The following KCNJ14 variants were observed in gnomAD, a reference collection of about 807,000 sequenced individuals.
The protein encoded by KCNJ14 is potassium inwardly rectifying channel subfamily J member 14.
KCNJ14 carries 18 observed loss-of-function variants against 24.5 expected under a neutral mutation model. The ratio of observed to expected loss-of-function variants is 0.74; its 90% CI spans 0.51 to 1.09. KCNJ14 has a LOEUF of 1.09. KCNJ14 is among the 50% of genes least tolerant of loss of function. The pLI is 0.00. For missense variants in KCNJ14, 633 were observed against 623.0 expected (o/e 1.02, Z -0.17); for synonymous variants, 288 against 270.8 (o/e 1.06, Z -0.63).
At chr19:48,458,922 T>C (rs1441480924) in intron 1 of KCNJ14, among the ~76,000 whole-genome samples, 857 of 61,274 alleles carry the variant, frequency 0.014, no homozygotes, top group Middle Eastern at 0.13. Context: ...GGCCACTGAG[T>C]GAGACTCCGT....
intron 1 of KCNJ14, among the ~76,000 whole-genome samples, chr19:48,458,823 A>T (rs1218156570): frequency 6.6e-6 from 1 of 151,294 alleles, no homozygotes; most frequent in Non-Finnish European, 1.5e-5. Context: ...GTAATTCCAG[A>T]TACTCAGGAG....
intron 1 of KCNJ14, among the ~76,000 whole-genome samples, chr19:48,457,827 G>A (rs939927877): frequency 6.6e-6 from 1 of 151,930 alleles, no homozygotes; most frequent in Admixed American, 6.6e-5. Context: ...ACAGGTGCGC[G>A]CCTGTAATCA....
At position 48,465,549 on chromosome 19, in the gene KCNJ14, C is replaced by T. The variant is rs1971646755; in HGVS notation, c.*772C>T. The T allele has an allele frequency of 6.6e-6, 1 of 152,460 alleles. No homozygotes were observed. Among genetic ancestry groups the T allele is most frequent in the Non-Finnish European group, 1.5e-5 (1 of 68,042 alleles). The allele number at this position is 152,460 out of a possible 1,614,324, so 9.4% of individuals were successfully genotyped here. A position where few individuals can be genotyped will look rare whatever the true frequency, so the allele number is the denominator to read the frequency against. On this transcript the variant is annotated 3_prime_UTR_variant, in exon 3 of 3. Coordinates refer to ENST00000342291, the MANE Select transcript of KCNJ14 (RefSeq NM_013348.4). ...ATTAAGAGTTCTTGATATTAGATAA[C>T]TCCAACTTCTGGCTGTAGAGCACCC...
intron 1 of KCNJ14, chr19:48,456,185 T>A (rs1971537747): frequency 6.6e-6 from 1 of 152,048 alleles, no homozygotes; most frequent in African/African-American, 2.4e-5. Flanking sequence ...GGAGCACAGG[T>A]CAGTGTCAGT....
At chr19:48,457,107 C>T (rs1286431436) in intron 1 of KCNJ14, 1 of 152,180 alleles carries the variant, frequency 6.6e-6, no homozygotes, top group Non-Finnish European at 1.5e-5. Flanking sequence ...AGTGATCCCC[C>T]ACCTCAGTCT....
intron 2 of KCNJ14, among the ~76,000 whole-genome samples, chr19:48,463,129 C>T (rs998238268): frequency 2.6e-5 from 4 of 152,146 alleles, no homozygotes; most frequent in African/African-American, 9.7e-5. Flanking sequence ...GGCTCCCTCC[C>T]TGCCCTGAGG....
At position 48,462,079 on chromosome 19, in the gene KCNJ14, G is replaced by GCCGCCCCGCCA; in HGVS notation, c.362_372dup (p.Ala125ArgfsTer121). ...CATTGCCTCGCTGCACGGCGACCTG[G>GCCGCCCCGCCA]CCGCCCCGCCACCGCCCGCGCCCTG... On this transcript the variant is annotated frameshift_variant, in exon 2 of 3. Transcript: ENST00000342291. LOFTEE classifies it high-confidence loss of function. This position sits in a 1 kb window ranked among gnomAD's most constrained non-coding sequence, Gnocchi z 4.9. The GCCGCCCCGCCA allele has an allele frequency of 6.2e-7, 1 of 1,605,754 alleles. No homozygotes were observed. Among genetic ancestry groups the GCCGCCCCGCCA allele is most frequent in the Non-Finnish European group, 8.5e-7 (1 of 1,178,108 alleles).
At position 48,464,572 on chromosome 19, in the gene KCNJ14, G is replaced by T. The variant is rs777018794; in HGVS notation, c.1106G>T (p.Arg369Leu). The T allele has an allele frequency of 1.9e-6, 3 of 1,614,084 alleles. No individual in the cohort carries two copies. The highest frequency in any genetic ancestry group is 1.6e-4 in the Middle Eastern group (1 of 6,062). ...TGCAGTGCTAAGGAGCTGGATGAAC[G>T]GGCAGAGCAGGCTTCCCACAGCCTC... is the stretch of plus-strand genomic sequence containing the variant. ...PVCSAKELDE[R>L]AEQASHSLKS... The change falls in exon 3 of 3, where the codon CGG becomes CTG. Residue 369 changes from arginine to leucine, a missense_variant. Coordinates refer to ENST00000342291, the MANE Select transcript of KCNJ14 (RefSeq NM_013348.4).
At chr19:48,459,891 T>G (rs1971576018) in intron 1 of KCNJ14, among the ~76,000 whole-genome samples, 1 of 151,860 alleles carries the variant, frequency 6.6e-6, no homozygotes, top group African/African-American at 2.4e-5. Flanking sequence ...TAGCCAGGCG[T>G]GGTGGCATGT....
intron 1 of KCNJ14, among the ~76,000 whole-genome samples, chr19:48,460,670 A>C (rs887489734): frequency 2.0e-5 from 3 of 152,240 alleles, no homozygotes; most frequent in African/African-American, 7.2e-5. Flanking sequence ...TACTTACAAC[A>C]ACCTCCAAAT....
rs1161637459 is a variant in KCNJ14 at position 48,464,397 on chromosome 19, G to T, written c.931G>T (p.Ala311Ser). 1.2e-6 allele frequency: 2 copies of T among 1,613,372 alleles called. No individual in the cohort carries two copies. The highest frequency in any genetic ancestry group is 1.3e-5 in the African/African-American group (1 of 74,908). The change falls in exon 3 of 3, where the codon GCC becomes TCC. Residue 311 changes from alanine (A) to serine (S), a missense_variant. By Grantham distance (99) the Ala-to-Ser change is moderately conservative (BLOSUM62 1). Coordinates refer to ENST00000342291, the MANE Select transcript of KCNJ14 (RefSeq NM_013348.4). ...VILEGMVEAT[A>S]MTTQCRSSYL... ...TCTCGAGGGGATGGTTGAGGCCACA[G>T]CCATGACCACACAGTGTCGCTCGTC...
rs1422835080 is a variant in KCNJ14, at chr19:48,464,262, A to G, written c.796A>G (p.Ile266Val). The change falls in exon 3 of 3, where the codon ATC (isoleucine) becomes GTC (valine). Residue 266 changes from isoleucine to valine, a missense_variant. Transcript: ENST00000342291. The part of the protein sequence containing the change: ...DVGFDGGTDR[I>V]FLVSPITIVH... ...GGGCTTTGATGGAGGCACCGATCGT[A>G]TCTTCCTCGTGTCCCCCATCACCAT... is the stretch of plus-strand genomic sequence containing the variant. The G allele has an allele frequency of 1.2e-6, 2 of 1,613,722 alleles. No homozygotes were observed. The highest frequency in any genetic ancestry group is 1.7e-6 in the Non-Finnish European group (2 of 1,179,948).
In KCNJ14 at chr19:48,465,082, C is replaced by A; in HGVS notation, c.*305C>A. On this transcript the variant is annotated 3_prime_UTR_variant, in exon 3 of 3. Coordinates refer to ENST00000342291, the MANE Select transcript of KCNJ14 (RefSeq NM_013348.4). ...TTCTAGATTCCTCTATATGGGGAGA[C>A]CTGGATTGTTGACCAGGGTGAGAAG... The A allele has an allele frequency of 2.8e-6, 1 of 356,610 alleles. No individual in the cohort carries two copies. The highest frequency in any genetic ancestry group is 4.9e-5 in the South Asian group (1 of 20,208). The allele number at this position is 356,610 out of a possible 1,614,324, so 22.1% of individuals were successfully genotyped here.
chr19:48,460,793 T>C (rs1971586346), intron 1 of KCNJ14, among the ~76,000 whole-genome samples: 1 of 152,200 alleles, frequency 6.6e-6, no homozygotes, highest in African/African-American at 2.4e-5. Flanking sequence ...TCGTTATTGT[T>C]ATAGTATTTT....
chr19:48,461,861 G>T lies in KCNJ14; in HGVS notation c.137G>T (p.Gly46Val). The T allele has an allele frequency of 1.3e-6, 2 of 1,565,128 alleles. No individual in the cohort carries two copies. Among genetic ancestry groups the T allele is most frequent in the Non-Finnish European group, 1.7e-6 (2 of 1,155,140 alleles). The stretch of plus-strand genomic sequence containing the variant: ...CCGGCACCGGTGCAGTCACCCGTGG[G>T]CCGGCGCCGCGGTCGCTTCGTCAAG... ...WAPAPVQSPV[G>V]RRRGRFVKKD... Residue 46 changes from glycine (G) to valine (V), a missense_variant, in exon 2 of 3, where the codon GGC becomes GTC. Gly to Val is a moderately radical substitution (Grantham distance 109, BLOSUM62 -3). Transcript: ENST00000342291.
In KCNJ14 at chr19:48,462,354, C is replaced by T; in HGVS notation, c.630C>T (p.Asp210=). The stretch of plus-strand genomic sequence containing the variant: ...AGAACGCCGTCGTGGCGCTGCGCGA[C>T]CACCGCCTCTGCCTCATGTGGCGCG... ...FSENAVVALR[D]HRLCLMWRVG... The change falls in exon 2 of 3, where the codon GAC becomes GAT. Residue 210 remains aspartate, a synonymous_variant. Transcript: ENST00000342291. This position sits in a 1 kb window ranked among gnomAD's most constrained non-coding sequence, Gnocchi z 4.9. The T allele has an allele frequency of 6.5e-7, 1 of 1,542,806 alleles. No individual in the cohort carries two copies. The highest frequency in any genetic ancestry group is 2.4e-5 in the East Asian group (1 of 40,982).
Position 48,465,818 on chromosome 19 carries a change from G to T in KCNJ14, c.*1041G>T, listed in dbSNP as rs73050909. On this transcript the variant is annotated 3_prime_UTR_variant, in exon 3 of 3. Coordinates refer to ENST00000342291, the MANE Select transcript of KCNJ14 (RefSeq NM_013348.4). The stretch of plus-strand genomic sequence containing the variant: ...TTCTGTAATGCCAAAAGGAATGAAG[G>T]CTCCAGGGATACAGAGTTGTCCATT... 6.6e-6 allele frequency: 1 copy of T among 152,572 alleles called. No homozygotes were observed. Among genetic ancestry groups the T allele is most frequent in the African/African-American group, 2.4e-5 (1 of 41,436 alleles). 9.5% of individuals were successfully genotyped at this position (152,572 alleles called of 1,614,324 possible). A position where few individuals can be genotyped will look rare whatever the true frequency, so the allele number is the denominator to read the frequency against.
At position 48,461,740 on chromosome 19, in the gene KCNJ14, G is replaced by A; in HGVS notation, c.16G>A (p.Ala6Thr). Residue 6 changes from alanine (A) to threonine (T), a missense_variant, in exon 2 of 3, where the codon GCC (alanine) becomes ACC (threonine). Coordinates refer to ENST00000342291, the MANE Select transcript of KCNJ14 (RefSeq NM_013348.4). ...CCTCCGTCCAATGGGCCTGGCCAGGGCCCTACGCCGCCTCAGCGGCGCCCT... is the reference window on the plus strand; with the variant it reads ...CCTCCGTCCAATGGGCCTGGCCAGGACCCTACGCCGCCTCAGCGGCGCCCT... The part of the protein sequence containing the change: MGLAR[A>T]LRRLSGALDS... 1 of 1,434,990 alleles carries A rather than the reference G, an allele frequency of 7.0e-7. No individual in the cohort carries two copies. The allele number at this position is 1,434,990 out of a possible 1,614,324, so 88.9% of individuals were successfully genotyped here.
chr19:48,461,950 G>C lies in KCNJ14; in HGVS notation c.226G>C (p.Asp76His). The C allele has an allele frequency of 6.2e-7, 1 of 1,612,866 alleles. No homozygotes were observed. The highest frequency in any genetic ancestry group is 1.1e-5 in the South Asian group (1 of 90,952). The change falls in exon 2 of 3, where the codon GAC (aspartate) becomes CAC (histidine). Residue 76 changes from aspartate to histidine, a missense_variant. Coordinates refer to ENST00000342291, the MANE Select transcript of KCNJ14 (RefSeq NM_013348.4). Reference protein sequence around the residue: ...LGGQGARYLSDLFTTCVDVRW... With the variant: ...LGGQGARYLSHLFTTCVDVRW... Reference sequence around the variant, plus strand: ...TGGCCAGGGCGCGCGCTACCTGAGCGACCTGTTCACCACATGCGTGGACGT... The same window carrying C: ...TGGCCAGGGCGCGCGCTACCTGAGCCACCTGTTCACCACATGCGTGGACGT...
Sources: gnomAD v4.1 joint callset for allele counts (sites outside exome capture counted in the v4.1 genomes callset) on GRCh38, gnomAD v4.1.1 for gene constraint, Gnocchi (gnomAD v3.1) non-coding constraint, MANE v1.5 for transcripts, NCBI Gene and HGNC (gene_info 2026-07-23, HGNC 2026-07-21) for gene names.